The following CERKL variants were observed in gnomAD, a reference collection of about 807,000 sequenced individuals.
CERKL encodes the protein CERK like autophagy regulator.
Under a neutral mutation model 63.4 loss-of-function variants are expected in CERKL, and 61 were observed. The observed-to-expected ratio is 0.96, with a 90% confidence interval of 0.78 to 1.19. CERKL has a LOEUF of 1.19. Among genes scored for constraint, CERKL ranks in the 50% most tolerant of loss-of-function variants. The probability of loss-of-function intolerance (pLI) is 0.00; values close to 1 mark genes in which losing one functional copy is unlikely to be tolerated. For missense variants in CERKL, 675 were observed against 655.5 expected, an observed-to-expected ratio of 1.03 and a Z score of -0.33; for synonymous variants, 250 against 230.5, an observed-to-expected ratio of 1.08 and a Z score of -0.77.
At chr2:181,585,551 T>C (rs1284815298) in intron 2 of CERKL, among the ~76,000 whole-genome samples, 1 of 152,130 alleles carries the variant, frequency 6.6e-6, no homozygotes, top group South Asian at 2.1e-4. Flanking sequence ...CTGATAGGTA[T>C]CTAGATCCCT....
chr2:181,645,326 CA>C lies in CERKL; in HGVS notation c.238+11442del, dbSNP rs551355356. The stretch of plus-strand genomic sequence containing the variant: ...GTTCATGAGGCCAGTAAACCAGTAA[CA>C]AATTCATTCATTCAATAAATATTAT... On this transcript the variant is annotated intron_variant, in intron 1 of 12. Transcript: ENST00000410087. 1.5e-3 allele frequency among the ~76,000 whole-genome samples: 232 copies of C among 152,290 alleles called. No homozygotes were observed. In the Middle Eastern group the frequency reaches 0.02, roughly 13 times the overall value.
Position 181,537,876 on chromosome 2 carries a change from T to C in CERKL, c.*308A>G. 1 of 537,718 alleles carries C rather than the reference T, an allele frequency of 1.9e-6. No homozygotes were observed. Among genetic ancestry groups the C allele is most frequent in the Admixed American group, 2.2e-5 (1 of 45,132 alleles). 33.3% of individuals were successfully genotyped at this position (537,718 alleles called of 1,614,324 possible). On this transcript the variant is annotated 3_prime_UTR_variant, in exon 13 of 13. Coordinates refer to ENST00000410087, the MANE Select transcript of CERKL (RefSeq NM_201548.5). ...TCCGTTTGGCCACACAGCAGGAGGT[T>C]AGAGCAATGGAGCATTACTGAGTTC...
intron 2 of CERKL, among the ~76,000 whole-genome samples, chr2:181,590,824 G>A (rs1423620868): frequency 6.6e-6 from 1 of 152,032 alleles, no homozygotes; most frequent in Non-Finnish European, 1.5e-5. Context: ...ATACGTTGCT[G>A]GTAAATATTT....
intron 1 of CERKL, among the ~76,000 whole-genome samples, chr2:181,643,131 C>A (rs926822339): frequency 6.6e-6 from 1 of 152,166 alleles, no homozygotes; most frequent in African/African-American, 2.4e-5. Flanking sequence ...GACCATCAAA[C>A]CTTACTGAGA....
rs778322117 is a variant in CERKL at position 181,656,731 on chromosome 2, G to C, written c.238+38C>G. 2.0e-6 allele frequency: 3 copies of C among 1,509,410 alleles called. No individual in the cohort carries two copies. The South Asian group carries it at 3.6e-5, about 18-fold the overall frequency. The allele number at this position is 1,509,410 out of a possible 1,614,324, so 93.5% of individuals were successfully genotyped here. A position where few individuals can be genotyped will look rare whatever the true frequency, so the allele number is the denominator to read the frequency against. The stretch of plus-strand genomic sequence containing the variant: ...CTTGGGCCGGGGAGAGGGAGGAAGC[G>C]CGGAGGGAGGCGAAGACGCTTGGGG... On this transcript the variant is annotated intron_variant, in intron 1 of 12. Transcript: ENST00000410087.
intron 1 of CERKL, among the ~76,000 whole-genome samples, chr2:181,626,708 G>C (rs1200805971): frequency 6.6e-6 from 1 of 152,254 alleles, no homozygotes; most frequent in Non-Finnish European, 1.5e-5. Flanking sequence ...CAATTCTTGA[G>C]AGTGGGTACT....
intron 2 of CERKL, among the ~76,000 whole-genome samples, chr2:181,582,441 G>C (rs571437666): frequency 6.6e-6 from 1 of 151,708 alleles, no homozygotes; most frequent in East Asian, 1.9e-4. Flanking sequence ...CCCTTTAGTA[G>C]TAGTATCGGT....
At chr2:181,611,702 C>G (rs557087407) in intron 1 of CERKL, among the ~76,000 whole-genome samples, 71 of 152,052 alleles carry the variant, frequency 4.7e-4, no homozygotes, top group African/African-American at 1.6e-3. Flanking sequence ...AATAAAATGC[C>G]GGGCTGACTA....
At chr2:181,618,039 CAT>C (rs1686278014) in intron 1 of CERKL, among the ~76,000 whole-genome samples, 10 of 152,146 alleles carry the variant, frequency 6.6e-5, no homozygotes, top group Admixed American at 6.5e-4. Context: ...TCAAATACCA[CAT>C]GTTCTCACTT....
At chr2:181,601,071 C>G (rs1270408415) in intron 2 of CERKL, among the ~76,000 whole-genome samples, 2 of 152,098 alleles carry the variant, frequency 1.3e-5, no homozygotes, top group Non-Finnish European at 2.9e-5. Flanking sequence ...GACACAAATA[C>G]ATGGAAACTA....
intron 2 of CERKL, among the ~76,000 whole-genome samples, chr2:181,589,713 G>GA (rs1214753871): frequency 2.0e-5 from 3 of 152,094 alleles, no homozygotes; most frequent in Non-Finnish European, 4.4e-5. Context: ...AGTACTAGAA[G>GA]AAAACATGGG....
rs1191530852 is a variant in CERKL, at chr2:181,656,964, C to A, written c.43G>T (p.Gly15Cys). Reference sequence around the variant, plus strand: ...GGGGGCGCCTCTTCCTCCCGGCCGCCCTCCAGGGCACTCACCCGGTTCCTG... The same window carrying A: ...GGGGGCGCCTCTTCCTCCCGGCCGCACTCCAGGGCACTCACCCGGTTCCTG... Reference protein sequence around the residue: ...RRRNRVSALEGGREEEAPPEA... With the variant: ...RRRNRVSALECGREEEAPPEA... The change falls in exon 1 of 13, where the codon GGC (glycine) becomes TGC (cysteine). Residue 15 changes from glycine to cysteine, a missense_variant. Physicochemically the swap from Gly to Cys is radical, Grantham distance 159. Transcript: ENST00000410087. 1 of 1,579,926 alleles carries A rather than the reference C, an allele frequency of 6.3e-7. No individual in the cohort carries two copies. The highest frequency in any genetic ancestry group is 1.7e-5 in the Admixed American group (1 of 58,860).
intron 5 of CERKL, among the ~76,000 whole-genome samples, chr2:181,553,248 T>C (rs948216831): frequency 1.3e-5 from 2 of 152,144 alleles, no homozygotes; most frequent in African/African-American, 4.8e-5. Context: ...CCTTTGACCA[T>C]CTAATTGCTA....
chr2:181,549,101 A>G (rs1435219086), intron 6 of CERKL, among the ~76,000 whole-genome samples: 1 of 152,208 alleles, frequency 6.6e-6, no homozygotes, highest in Non-Finnish European at 1.5e-5. Context: ...TATTTCCTAT[A>G]AAACATGGTC....
At chr2:181,569,757 G>A (rs1035062270) in intron 3 of CERKL, among the ~76,000 whole-genome samples, 1 of 152,220 alleles carries the variant, frequency 6.6e-6, no homozygotes, top group Non-Finnish European at 1.5e-5. Context: ...AAGAGATGAG[G>A]GGCAGACAGG....
rs1250834892 is a variant in CERKL at position 181,558,959 on chromosome 2, T to A, written c.678-251A>T. Among the ~76,000 whole-genome samples the A allele has an allele frequency of 1.3e-5, 2 of 152,202 alleles. No individual in the cohort carries two copies. Among genetic ancestry groups the A allele is most frequent in the Non-Finnish European group, 2.9e-5 (2 of 68,032 alleles). On this transcript the variant is annotated intron_variant, in intron 4 of 12. Transcript: ENST00000410087. This position sits in a 1 kb window ranked among gnomAD's most constrained non-coding sequence, Gnocchi z 4.2. ...ATAGCTTTAAGTGTGTTAAGAGATA[T>A]GAAAACTTTTGAACATGTTAATTCA...
intron 2 of CERKL, among the ~76,000 whole-genome samples, chr2:181,577,289 A>G (rs932870187): frequency 7.2e-5 from 11 of 152,230 alleles, no homozygotes; most frequent in African/African-American, 1.2e-4. Context: ...AAAATGACTC[A>G]GTAGTCTGCA....
rs116772353 is a variant in CERKL, at chr2:181,572,082, C to T, written c.613+1671G>A. Among the ~76,000 whole-genome samples the T allele has an allele frequency of 2.6e-3, 392 of 152,216 alleles. 4 individuals are homozygous for T. Among genetic ancestry groups the T allele is most frequent in the Non-Finnish European group, 3.8e-3 (260 of 67,996 alleles). On this transcript the variant is annotated intron_variant, in intron 3 of 12. Transcript: ENST00000410087. Reference sequence around the variant, plus strand: ...ACTCTCCAGATGTATGGGTGTAACACACATGGACTCTCTCACATACACACA... The same window carrying T: ...ACTCTCCAGATGTATGGGTGTAACATACATGGACTCTCTCACATACACACA...
intron 6 of CERKL, 71 bp from the exon 7 acceptor site, chr2:181,548,928 G>C: frequency 7.2e-7 from 1 of 1,391,636 alleles, no homozygotes. Context: ...ACATAAGAGA[G>C]CATATTTATT....
Sources: gnomAD v4.1 joint callset for allele counts (sites outside exome capture counted in the v4.1 genomes callset) on GRCh38, gnomAD v4.1.1 for gene constraint, Gnocchi (gnomAD v3.1) non-coding constraint, MANE v1.5 for transcripts, NCBI Gene and HGNC (gene_info 2026-07-23, HGNC 2026-07-21) for gene names.